CALN1: variants seen among roughly 807,000 people sequenced by gnomAD.
CALN1 encodes calcium-binding protein 8.
CALN1 carries 17 observed loss-of-function variants against 30.6 expected under a neutral mutation model. The observed-to-expected ratio is 0.56, with a 90% CI of 0.38 to 0.83. CALN1 has a LOEUF of 0.83. Among genes scored for constraint, CALN1 ranks in the 40% least tolerant of loss-of-function variants. The pLI is 0.00. For missense variants in CALN1, 291 were observed against 354.9 expected (o/e 0.82, Z 1.45); for synonymous variants, 156 against 131.4 (o/e 1.19, Z -1.28).
chr7:72,190,045 G>A (rs571164744), intron 3 of CALN1, among the ~76,000 whole-genome samples: 2 of 152,130 alleles, frequency 1.3e-5, no homozygotes, highest in Admixed American at 1.3e-4. Flanking sequence ...TAAAATGGTG[G>A]GTAAACAAAC....
In CALN1 at chr7:72,340,175, A is replaced by G. The variant is rs555199819; in HGVS notation, c.120-61365T>C. On this transcript the variant is annotated intron_variant, in intron 2 of 6. Coordinates refer to ENST00000395275, the MANE Select transcript of CALN1 (RefSeq NM_031468.4). The stretch of plus-strand genomic sequence containing the variant: ...GCCAGAGTGAACATTCTTTTCTGCA[A>G]ACCCCGTATTTTTAGACAAAGCTTT... Among the ~76,000 whole-genome samples the G allele has an allele frequency of 7.9e-5, 12 of 152,320 alleles. No homozygotes were observed. In the East Asian group the frequency reaches 2.3e-3, roughly 29 times the overall value.
intron 1 of CALN1, among the ~76,000 whole-genome samples, chr7:72,422,324 C>T (rs1807639292): frequency 6.6e-6 from 1 of 152,146 alleles, no homozygotes; most frequent in Admixed American, 6.6e-5. Context: ...TTTGACCATT[C>T]TCGCAGGAGT....
intron 2 of CALN1, chr7:72,336,948 C>T (rs1267389610): frequency 2.4e-5 from 24 of 985,106 alleles, no homozygotes; most frequent in Non-Finnish European, 2.8e-5. Flanking sequence ...CACGAGCCCC[C>T]TCGTCGACTC....
intron 2 of CALN1, among the ~76,000 whole-genome samples, chr7:72,347,168 T>C (rs1221800990): frequency 1.3e-5 from 2 of 152,102 alleles, no homozygotes; most frequent in Non-Finnish European, 1.5e-5. Context: ...CCGAATAGGA[T>C]ACGTGCAATG....
At chr7:72,195,565 G>T (rs1790929248) in intron 3 of CALN1, among the ~76,000 whole-genome samples, 1 of 152,056 alleles carries the variant, frequency 6.6e-6, no homozygotes, top group South Asian at 2.1e-4. Flanking sequence ...TTTTTTTAAG[G>T]ATGGGGTCTC....
chr7:71,855,614 T>C (rs765598099), intron 5 of CALN1, among the ~76,000 whole-genome samples: 9 of 152,268 alleles, frequency 5.9e-5, no homozygotes, highest in Non-Finnish European at 1.2e-4. Flanking sequence ...CGTCTGACCC[T>C]AGGCAGCACC....
chr7:71,923,950 T>C (rs1475931108), intron 5 of CALN1, among the ~76,000 whole-genome samples: 5 of 152,196 alleles, frequency 3.3e-5, no homozygotes, highest in African/African-American at 9.6e-5. Flanking sequence ...TCCAGCACTT[T>C]GGGAGGCCAA....
At chr7:72,486,164 T>A in the CALN1 span, among the ~76,000 whole-genome samples, 2 of 152,258 alleles carry the variant, frequency 1.3e-5, no homozygotes, top group Admixed American at 6.5e-5. Context: ...AAACAATAAG[T>A]ATTTATGTAT....
intron 5 of CALN1, among the ~76,000 whole-genome samples, chr7:71,871,427 G>A (rs1055253337): frequency 2.0e-5 from 3 of 152,022 alleles, no homozygotes; most frequent in Non-Finnish European, 1.5e-5. Context: ...CCACACAGCT[G>A]AATGTGACTG....
chr7:72,341,969 G>A lies in CALN1; in HGVS notation c.119+61282C>T, dbSNP rs76852233. Among the ~76,000 whole-genome samples, 541 of 152,092 alleles carry A rather than the reference G, an allele frequency of 3.6e-3. 4 individuals are homozygous for A. The highest frequency in any genetic ancestry group is 0.017 in the Middle Eastern group (5 of 294). The stretch of plus-strand genomic sequence containing the variant: ...AAGCTCAGCGAGCCTCAGAAGTAGA[G>A]AAGGCTAGGCAGTGGCTCACACTTG... On this transcript the variant is annotated intron_variant, in intron 2 of 6. Transcript: ENST00000395275.
At chr7:72,433,953 C>T (rs191686913) in intron 1 of CALN1, among the ~76,000 whole-genome samples, 2 of 151,720 alleles carry the variant, frequency 1.3e-5, no homozygotes, top group East Asian at 2.0e-4. Context: ...CTCAGCTACT[C>T]GGGAAGCTGA....
intron 2 of CALN1, among the ~76,000 whole-genome samples, chr7:72,365,846 G>C (rs761607081): frequency 1.3e-5 from 2 of 152,218 alleles, no homozygotes; most frequent in Non-Finnish European, 2.9e-5. Flanking sequence ...GTGTGAGTGA[G>C]AGTATATGAA....
At chr7:72,395,984 A>G (rs1372616388) in intron 2 of CALN1, among the ~76,000 whole-genome samples, 1 of 152,032 alleles carries the variant, frequency 6.6e-6, no homozygotes, top group African/African-American at 2.4e-5. Flanking sequence ...CGTTGAGCTA[A>G]ATTTTGAACT....
At chr7:72,354,840 A>C (rs1240077086) in intron 2 of CALN1, among the ~76,000 whole-genome samples, 3 of 152,172 alleles carry the variant, frequency 2.0e-5, no homozygotes, top group Non-Finnish European at 4.4e-5. Context: ...CAAAACTTTT[A>C]AAGAAAACCC....
intron 3 of CALN1, among the ~76,000 whole-genome samples, chr7:72,185,867 C>T (rs189296744): frequency 6.8e-4 from 104 of 152,296 alleles, no homozygotes; most frequent in African/African-American, 2.1e-3. Flanking sequence ...CCCATGATTG[C>T]GAGGCTTTCA....
Position 71,810,331 on chromosome 7 carries a change from C to T in CALN1, c.658+5G>A. 2 of 1,613,282 alleles carry T rather than the reference C, an allele frequency of 1.2e-6. No individual in the cohort carries two copies. The highest frequency in any genetic ancestry group is 8.5e-7 in the Non-Finnish European group (1 of 1,179,636). On this transcript the variant is annotated splice_donor_5th_base_variant and intron_variant, in intron 6 of 6. Transcript: ENST00000395275. ...CGGGGAGGGGATGGCAGCAGGGGCA[C>T]CTACCTCCTTCAAACTCTGTTTGGC...
At chr7:72,125,650 G>A (rs1471166820) in intron 3 of CALN1, among the ~76,000 whole-genome samples, 1 of 152,064 alleles carries the variant, frequency 6.6e-6, no homozygotes, top group Non-Finnish European at 1.5e-5. Context: ...GGTGGGTTTT[G>A]TTACATGGAT....
intron 2 of CALN1, among the ~76,000 whole-genome samples, chr7:72,287,373 C>T (rs1182284973): frequency 4.6e-5 from 7 of 151,474 alleles, no homozygotes; most frequent in Admixed American, 4.6e-4. Flanking sequence ...TTGCAACCTG[C>T]ATGGTTCACT....
chr7:72,024,691 G>A (rs1435332261), intron 4 of CALN1, among the ~76,000 whole-genome samples: 7 of 152,176 alleles, frequency 4.6e-5, no homozygotes, highest in Non-Finnish European at 5.9e-5. Context: ...GAGCCACCAT[G>A]CCCGGCCTGA....
Sources: allele counts gnomAD v4.1 joint callset (sites outside exome capture counted in the v4.1 genomes callset), GRCh38; gene constraint gnomAD v4.1.1; transcripts MANE v1.5; gene names NCBI Gene and HGNC (gene_info 2026-07-23, HGNC 2026-07-21).